SH3RF3: variants seen among roughly 807,000 people sequenced by gnomAD.
SH3RF3 encodes the protein E3 ubiquitin-protein ligase SH3RF3.
Under a neutral mutation model 66.3 loss-of-function variants are expected in SH3RF3, and 29 were observed. The ratio of observed to expected loss-of-function variants is 0.44; its 90% CI spans 0.33 to 0.60. SH3RF3 has a LOEUF of 0.60. SH3RF3 is among the 20% of genes least tolerant of loss of function. The probability of loss-of-function intolerance (pLI) is 0.04; values close to 1 mark genes in which losing one functional copy is unlikely to be tolerated. For synonymous variants in SH3RF3, 583 were observed against 532.0 expected (o/e 1.10, Z -1.32); for missense variants, 1,194 against 1,190.9 (o/e 1.00, Z -0.04).
intron 1 of SH3RF3, among the ~76,000 whole-genome samples, chr2:109,180,215 C>T (rs1678044464): frequency 6.6e-6 from 1 of 152,244 alleles, no homozygotes; most frequent in East Asian, 1.9e-4. Flanking sequence ...CACTGCCCTC[C>T]ACTGGTATTC....
intron 2 of SH3RF3, among the ~76,000 whole-genome samples, chr2:109,362,713 C>T (rs566771452): frequency 2.6e-5 from 4 of 152,246 alleles, no homozygotes; most frequent in African/African-American, 9.6e-5. Flanking sequence ...TCTACTTCTC[C>T]TTCTGTCAGT....
chr2:109,252,008 C>A (rs1278263085), intron 1 of SH3RF3, among the ~76,000 whole-genome samples: 4 of 152,022 alleles, frequency 2.6e-5, no homozygotes, highest in African/African-American at 9.7e-5. Context: ...TTTGGGAGGC[C>A]AAGGTAGGAG....
At chr2:109,239,456 C>T (rs1232550285) in intron 1 of SH3RF3, among the ~76,000 whole-genome samples, 1 of 152,190 alleles carries the variant, frequency 6.6e-6, no homozygotes, top group Non-Finnish European at 1.5e-5. Context: ...TCCTTGCCTC[C>T]AATCAAGTAA....
At chr2:109,195,962 T>G (rs895384411) in intron 1 of SH3RF3, among the ~76,000 whole-genome samples, 1 of 152,204 alleles carries the variant, frequency 6.6e-6, no homozygotes, top group Non-Finnish European at 1.5e-5. Flanking sequence ...CCAGGTACCT[T>G]GCGGGCCTTC....
rs563014237 is a variant in SH3RF3 at position 109,437,715 on chromosome 2, G to T, written c.1828+569G>T. Among the ~76,000 whole-genome samples, 10 of 151,336 alleles carry T rather than the reference G, an allele frequency of 6.6e-5. No homozygotes were observed. In the South Asian group the frequency reaches 2.1e-3, roughly 32 times the overall value. On this transcript the variant is annotated intron_variant, in intron 7 of 9. Transcript: ENST00000309415. Reference sequence around the variant, plus strand: ...TGATCCTTCGCCTTCATGGCAGCTGGAGAAACTTAAGGAAAACCGGTTTGG... The same window carrying T: ...TGATCCTTCGCCTTCATGGCAGCTGTAGAAACTTAAGGAAAACCGGTTTGG...
At chr2:109,289,127 G>A (rs1681104612) in intron 1 of SH3RF3, among the ~76,000 whole-genome samples, 1 of 152,176 alleles carries the variant, frequency 6.6e-6, no homozygotes, top group Non-Finnish European at 1.5e-5. Flanking sequence ...GCTGTCATAT[G>A]AAAAGAAAAT....
Position 109,167,036 on chromosome 2 carries a change from G to A in SH3RF3, c.573+36923G>A, listed in dbSNP as rs549873613. On this transcript the variant is annotated intron_variant, in intron 1 of 9. Coordinates refer to ENST00000309415, the MANE Select transcript of SH3RF3 (RefSeq NM_001099289.3). The stretch of plus-strand genomic sequence containing the variant: ...AAAAGAACAATACACACCACTCATC[G>A]GTGTCCCGTGGGAATACCATGGAGG... 5.9e-5 allele frequency among the ~76,000 whole-genome samples: 9 copies of A among 152,262 alleles called. No individual in the cohort carries two copies. The South Asian group carries it at 1.9e-3, about 32-fold the overall frequency.
chr2:109,170,239 TTTCTTTTCTCTTCTCTTCTCTTCTC>T (rs752968476), intron 1 of SH3RF3, among the ~76,000 whole-genome samples: 16,709 of 133,242 alleles, frequency 0.13, 1,497 homozygotes, highest in African/African-American at 0.14. Context: ...CTTCTCTTCT[TTTCTTTTCTCTTCTCTTCTCTTCTC>T]TTCTCTTCTC....
chr2:109,209,047 T>TAG (rs1678907247), intron 1 of SH3RF3, among the ~76,000 whole-genome samples: 1 of 152,202 alleles, frequency 6.6e-6, no homozygotes, highest in Non-Finnish European at 1.5e-5. Flanking sequence ...CCAGCACCTG[T>TAG]AGACCCACAC....
At chr2:109,212,570 TGAG>T (rs1679011442) in intron 1 of SH3RF3, among the ~76,000 whole-genome samples, 1 of 152,218 alleles carries the variant, frequency 6.6e-6, no homozygotes, top group Non-Finnish European at 1.5e-5. Context: ...TGGAGTGGCT[TGAG>T]GAGAAGTCGG....
intron 1 of SH3RF3, among the ~76,000 whole-genome samples, chr2:109,138,404 G>A (rs1043716006): frequency 2.6e-5 from 4 of 152,204 alleles, no homozygotes; most frequent in African/African-American, 9.7e-5. Context: ...AAAACAAAAG[G>A]CTTGGGAGTT....
chr2:109,301,500 C>T (rs1000679031), intron 1 of SH3RF3, among the ~76,000 whole-genome samples: 6 of 152,006 alleles, frequency 3.9e-5, no homozygotes, highest in South Asian at 2.1e-4. Context: ...AGGGCAGTGC[C>T]GCAGAGTGAC....
intron 1 of SH3RF3, among the ~76,000 whole-genome samples, chr2:109,321,794 G>A (rs997869074): frequency 1.3e-5 from 2 of 152,184 alleles, no homozygotes; most frequent in South Asian, 2.1e-4. Context: ...ATGTGTTCGC[G>A]AGGGATTGGT....
intron 1 of SH3RF3, among the ~76,000 whole-genome samples, chr2:109,258,732 C>G (rs1485489833): frequency 6.6e-6 from 1 of 152,238 alleles, no homozygotes; most frequent in Non-Finnish European, 1.5e-5. Context: ...GTTATTCAGA[C>G]ATATAATACG....
chr2:109,145,073 C>T (rs998342664), intron 1 of SH3RF3, among the ~76,000 whole-genome samples: 7 of 152,190 alleles, frequency 4.6e-5, no homozygotes, highest in African/African-American at 1.7e-4. Context: ...GTGTTAAGGG[C>T]CCTCTTACGG....
intron 3 of SH3RF3, among the ~76,000 whole-genome samples, chr2:109,377,415 T>C (rs1683413659): frequency 6.6e-6 from 1 of 152,096 alleles, no homozygotes; most frequent in Admixed American, 6.5e-5. Flanking sequence ...CGTCAGTGGC[T>C]GTGGTAGGAT....
chr2:109,187,878 C>T (rs115039694), intron 1 of SH3RF3, among the ~76,000 whole-genome samples: 150 of 152,274 alleles, frequency 9.9e-4, no homozygotes, highest in African/African-American at 3.2e-3. Flanking sequence ...CTCTTCCTGC[C>T]GCCGTCACCG....
At chr2:109,199,632 T>TTAACC (rs1458718729) in intron 1 of SH3RF3, among the ~76,000 whole-genome samples, 3 of 68 alleles carry the variant, frequency 0.044, no homozygotes, top group Admixed American at 0.12. Flanking sequence ...TGGAATGGAA[T>TTAACC]GGAATGGAAT....
At chr2:109,194,056 T>C (rs1371651892) in intron 1 of SH3RF3, among the ~76,000 whole-genome samples, 2 of 152,226 alleles carry the variant, frequency 1.3e-5, no homozygotes, top group Non-Finnish European at 2.9e-5. Context: ...GTGTGCACAG[T>C]GTGCCAAATC....
Sources: gnomAD v4.1 joint callset for allele counts (sites outside exome capture counted in the v4.1 genomes callset) on GRCh38, gnomAD v4.1.1 for gene constraint, MANE v1.5 for transcripts, NCBI Gene and HGNC (gene_info 2026-07-23, HGNC 2026-07-21) for gene names.